FGF13: variants seen among roughly 807,000 people sequenced by gnomAD.
FGF13 encodes the protein fibroblast growth factor homologous factor 2.
A neutral mutation model predicts 19.5 loss-of-function variants in FGF13; 2 were observed. The ratio of observed to expected loss-of-function variants is 0.10; its 90% CI spans 0.04 to 0.32. The LOEUF is 0.32. FGF13 is among the 10% of genes least tolerant of loss of function. The probability of loss-of-function intolerance (pLI) is 1.00; values close to 1 mark genes in which losing one functional copy is unlikely to be tolerated. For synonymous variants in FGF13, 72 were observed against 76.9 expected (o/e 0.94, Z 0.33); for missense variants, 113 against 192.7 (o/e 0.59, Z 2.45).
At chrX:139,093,018 C>T (rs1000735360) in intron 1 of FGF13, among the ~76,000 whole-genome samples, 1 of 108,504 alleles carries the variant, frequency 9.2e-6, no homozygotes, top group Non-Finnish European at 1.9e-5. Flanking sequence ...AATGGAACCA[C>T]CACAAGCAAG....
chrX:138,879,942 G>A (rs2091414025), intron 1 of FGF13, among the ~76,000 whole-genome samples: 1 of 111,614 alleles, frequency 9.0e-6, no homozygotes, highest in Admixed American at 9.5e-5. Context: ...CTGACAAAGG[G>A]TTAATATCCA....
chrX:138,799,371 T>A (rs1392683977), intron 3 of FGF13, among the ~76,000 whole-genome samples: 1 of 112,236 alleles, frequency 8.9e-6, no homozygotes, highest in Admixed American at 9.5e-5. Flanking sequence ...TGTGCAGTTT[T>A]GAGTGAGTTT....
At chrX:138,644,537 C>T (rs894867836) in intron 3 of FGF13, among the ~76,000 whole-genome samples, 2 of 111,076 alleles carry the variant, frequency 1.8e-5, no homozygotes, top group Non-Finnish European at 3.8e-5. Context: ...GCCTTGGCCT[C>T]GCAAAGTGCT....
At chrX:138,854,314 A>G (rs754162852), downstream of FGF13, among the ~76,000 whole-genome samples, 1 of 112,065 alleles carries the variant, frequency 8.9e-6, no homozygotes, top group East Asian at 2.8e-4. Context: ...GGATATTCAT[A>G]AATAGAAACC....
chrX:138,913,662 AAG>A (rs2091602107), intron 1 of FGF13, among the ~76,000 whole-genome samples: 1 of 94,692 alleles, frequency 1.1e-5, no homozygotes, highest in Non-Finnish European at 2.1e-5. Context: ...GGAAGGAAGG[AAG>A]GAAGGAAGGA....
chrX:139,157,894 C>T (rs2083991434), intron 1 of FGF13, among the ~76,000 whole-genome samples: 1 of 112,150 alleles, frequency 8.9e-6, no homozygotes, highest in African/African-American at 3.2e-5. Flanking sequence ...TATGCATTTC[C>T]AACTGAGGTA....
intron 3 of FGF13, among the ~76,000 whole-genome samples, chrX:138,798,247 G>A: frequency 9.0e-6 from 1 of 111,362 alleles, no homozygotes; most frequent in East Asian, 2.8e-4. Flanking sequence ...TAAATACCCA[G>A]TTTTTTTAGA....
At chrX:139,164,967 T>C (rs750681065) in intron 1 of FGF13, among the ~76,000 whole-genome samples, 1 of 111,001 alleles carries the variant, frequency 9.0e-6, no homozygotes, top group South Asian at 3.8e-4. Context: ...AATAGGGCAC[T>C]AAGGGAGACT....
intron 3 of FGF13, among the ~76,000 whole-genome samples, chrX:138,746,810 T>C (rs1325247649): frequency 8.9e-6 from 1 of 112,587 alleles, no homozygotes; most frequent in African/African-American, 3.2e-5. Context: ...GTGCCCAGCA[T>C]ACAGTAAGCA....
intron 1 of FGF13, among the ~76,000 whole-genome samples, chrX:139,102,973 A>G (rs770844768): frequency 8.9e-6 from 1 of 112,618 alleles, no homozygotes; most frequent in East Asian, 2.8e-4. Context: ...TATAAGAGAG[A>G]GTTTGTGTTG....
At chrX:138,841,188 T>A (rs2124108733) in intron 3 of FGF13, among the ~76,000 whole-genome samples, 1 of 111,434 alleles carries the variant, frequency 9.0e-6, no homozygotes, top group Non-Finnish European at 1.9e-5. Context: ...ATGTTACTTT[T>A]CCTTCTCCCT....
At chrX:139,005,451 A>G (rs73241097) in intron 1 of FGF13, among the ~76,000 whole-genome samples, 25,922 of 109,339 alleles carry the variant, frequency 0.24, 2,815 homozygotes, top group South Asian at 0.41. Context: ...AAGGCTTCTC[A>G]AGGAGGATGC....
intron 1 of FGF13, among the ~76,000 whole-genome samples, chrX:138,940,419 A>T (rs1018136090): frequency 4.5e-5 from 5 of 111,675 alleles, no homozygotes; most frequent in Non-Finnish European, 9.4e-5. Flanking sequence ...TGCTGTGCAG[A>T]AGCTCTTTAG....
chrX:138,838,456 T>C (rs1413930863), intron 3 of FGF13, among the ~76,000 whole-genome samples: 1 of 111,797 alleles, frequency 8.9e-6, no homozygotes, highest in Non-Finnish European at 1.9e-5. Context: ...TCTCCCGACC[T>C]GAGGGTTGCA....
chrX:139,007,269 G>T lies in FGF13; in HGVS notation c.-112-142619C>A, dbSNP rs1213433490. ...GACAAAAAGAAAGTCACTGTATAATGATAAAGAGGTCAATTTGGCAAGAGG... is the reference window on the plus strand; with the variant it reads ...GACAAAAAGAAAGTCACTGTATAATTATAAAGAGGTCAATTTGGCAAGAGG... On this transcript the variant is annotated intron_variant, in intron 1 of 2. Coordinates refer to the FGF13 transcript ENST00000421460. Among the ~76,000 whole-genome samples, 3 of 111,410 alleles carry T rather than the reference G, an allele frequency of 2.7e-5. No individual in the cohort carries two copies. The Admixed American group carries it at 2.9e-4, about 11-fold the overall frequency.
At chrX:138,991,056 C>A (rs775520313) in intron 1 of FGF13, among the ~76,000 whole-genome samples, 1 of 111,732 alleles carries the variant, frequency 8.9e-6, no homozygotes, top group Non-Finnish European at 1.9e-5. Flanking sequence ...CCAGTGCAGG[C>A]CCACAGTTAC....
intron 3 of FGF13, among the ~76,000 whole-genome samples, chrX:138,807,987 C>T (rs190500855): frequency 1.6e-3 from 176 of 111,182 alleles, no homozygotes; most frequent in African/African-American, 5.6e-3. Context: ...CACACAATGA[C>T]AAAGGGAGAC....
intron 1 of FGF13, among the ~76,000 whole-genome samples, chrX:138,972,459 C>A (rs1241167744): frequency 9.3e-6 from 1 of 107,375 alleles, no homozygotes; most frequent in Non-Finnish European, 1.9e-5. Context: ...CGGGTTCACG[C>A]CATTCTCCTG....
At chrX:138,973,415 A>C (rs1248700444) in intron 1 of FGF13, among the ~76,000 whole-genome samples, 1 of 112,148 alleles carries the variant, frequency 8.9e-6, no homozygotes, top group Non-Finnish European at 1.9e-5. Context: ...TGGCAGCCTA[A>C]TATATGACCT....
Sources: allele counts gnomAD v4.1 joint callset (sites outside exome capture counted in the v4.1 genomes callset), GRCh38; gene constraint gnomAD v4.1.1; transcripts MANE v1.5; gene names NCBI Gene and HGNC (gene_info 2026-07-23, HGNC 2026-07-21).